Variants in EP400 observed in about 807,000 individuals in gnomAD.
EP400 encodes E1A-binding protein p400.
A neutral mutation model predicts 354.1 loss-of-function variants in EP400; 105 were observed. The observed-to-expected ratio is 0.30, with a 90% CI of 0.25 to 0.35. The LOEUF (loss-of-function observed/expected upper bound fraction) is 0.35, where lower values mean the gene tolerates loss of function less well. Among genes scored for constraint, EP400 ranks in the 10% least tolerant of loss-of-function variants. The probability of loss-of-function intolerance (pLI) is 1.00; values close to 1 mark genes in which losing one functional copy is unlikely to be tolerated. For missense variants in EP400, 3,280 were observed against 4,121.0 expected, an observed-to-expected ratio of 0.80 and a Z score of 5.59; for synonymous variants, 1,646 against 1,716.9, an observed-to-expected ratio of 0.96 and a Z score of 1.02.
At chr12:131,977,622 A>G (rs1414909940) in intron 2 of EP400, among the ~76,000 whole-genome samples, 1 of 152,066 alleles carries the variant, frequency 6.6e-6, no homozygotes, top group East Asian at 1.9e-4. Flanking sequence ...GTCACCTGTA[A>G]TGCTGCCCCA....
At chr12:131,952,159 C>T (rs1018924934) in intron 1 of EP400, among the ~76,000 whole-genome samples, 3 of 149,876 alleles carry the variant, frequency 2.0e-5, no homozygotes, top group East Asian at 2.1e-4. Flanking sequence ...AAAAATTAAT[C>T]GGGCGTGGTG....
chr12:132,001,085 C>T (rs1893395457), intron 12 of EP400, among the ~76,000 whole-genome samples: 1 of 151,954 alleles, frequency 6.6e-6, no homozygotes, highest in Admixed American at 6.5e-5. Flanking sequence ...TGGGTTTCTT[C>T]CCACCGTGTG....
intron 12 of EP400, among the ~76,000 whole-genome samples, chr12:131,997,261 G>T (rs1351672436): frequency 1.2e-4 from 18 of 151,282 alleles, no homozygotes; most frequent in South Asian, 2.1e-4. Flanking sequence ...ATTTTATGTG[G>T]TTTTTTTCTT....
rs193231957 is a variant in EP400, at chr12:132,009,453, G to A, written c.3305-2045G>A. On this transcript the variant is annotated intron_variant, in intron 15 of 52. Coordinates refer to ENST00000389561, the MANE Select transcript of EP400 (RefSeq NM_015409.5). ...GACCCAGCATAGTGACAGGAGCCTG[G>A]CCAGCTGGAGCAAGGTCTCAGGGAG... 6.5e-3 allele frequency among the ~76,000 whole-genome samples: 983 copies of A among 152,268 alleles called. 4 individuals are homozygous for A. The highest frequency in any genetic ancestry group is 0.01 in the Non-Finnish European group (714 of 68,002).
chr12:131,982,581 C>T lies in EP400; in HGVS notation c.1929+103C>T, dbSNP rs549038728. On this transcript the variant is annotated intron_variant, in intron 5 of 52. Coordinates refer to ENST00000389561, the MANE Select transcript of EP400 (RefSeq NM_015409.5). ...CACCACACTGTAATTTGTGTATTTT[C>T]TCTTAGCAGCTTGCTCCCCCAATTT... 151 of 1,412,358 alleles carry T rather than the reference C, an allele frequency of 1.1e-4. No individual in the cohort carries two copies. The South Asian group carries it at 1.8e-3, about 17-fold the overall frequency. 87.5% of individuals were successfully genotyped at this position (1,412,358 alleles called of 1,614,324 possible). A position where few individuals can be genotyped will look rare whatever the true frequency, so the allele number is the denominator to read the frequency against.
At chr12:132,066,179 A>C (rs2136613247) in intron 48 of EP400, 1 of 152,382 alleles carries the variant, frequency 6.6e-6, no homozygotes, top group South Asian at 2.1e-4. Flanking sequence ...ACGGTGAGCC[A>C]CACAGATATG....
chr12:131,964,090 C>T (rs1464650761), intron 2 of EP400, among the ~76,000 whole-genome samples: 2 of 152,216 alleles, frequency 1.3e-5, no homozygotes, highest in Admixed American at 6.5e-5. Flanking sequence ...ATCATCAGGA[C>T]CACAGGCTTC....
rs775714933 is a variant in EP400, at chr12:132,045,908, C to A, written c.7200+8C>A. ...CCACGAGAGGAGGGGAAGGTAAGCA[C>A]GGTCTCGTTTGTCCTTCGAGGAGAG... is the stretch of plus-strand genomic sequence containing the variant. On this transcript the variant is annotated splice_region_variant and intron_variant, in intron 39 of 52. Coordinates refer to ENST00000389561, the MANE Select transcript of EP400 (RefSeq NM_015409.5). 7 of 1,613,954 alleles carry A rather than the reference C, an allele frequency of 4.3e-6. No homozygotes were observed. The highest frequency in any genetic ancestry group is 3.3e-5 in the Admixed American group (2 of 60,002).
intron 2 of EP400, among the ~76,000 whole-genome samples, chr12:131,964,091 C>T (rs141823331): frequency 1.3e-5 from 2 of 152,284 alleles, no homozygotes; most frequent in East Asian, 3.9e-4. Context: ...TCATCAGGAC[C>T]ACAGGCTTCT....
At chr12:131,953,214 G>A (rs1891576267) in intron 1 of EP400, among the ~76,000 whole-genome samples, 1 of 152,174 alleles carries the variant, frequency 6.6e-6, no homozygotes, top group South Asian at 2.1e-4. Context: ...GAGGCAATTA[G>A]GAGAGAAACT....
chr12:132,012,988 G>T, intron 16 of EP400, 21 bp from the exon 17 acceptor site: 2 of 1,586,234 alleles, frequency 1.3e-6, no homozygotes, highest in Non-Finnish European at 1.7e-6. Context: ...AAGGCACTGA[G>T]CTGTCCTCTC....
chr12:132,061,074 G>T (rs773023844), intron 45 of EP400, among the ~76,000 whole-genome samples: 3 of 152,184 alleles, frequency 2.0e-5, no homozygotes, highest in Non-Finnish European at 4.4e-5. Flanking sequence ...ATGAACGCAG[G>T]AGCTCACTGG....
Position 132,017,625 on chromosome 12 carries a change from C to T in EP400, c.4014C>T (p.Val1338=), listed in dbSNP as rs781494785. 63 of 1,610,668 alleles carry T rather than the reference C, an allele frequency of 3.9e-5. No individual in the cohort carries two copies. The highest frequency in any genetic ancestry group is 1.1e-4 in the South Asian group (10 of 90,838). The change falls in exon 20 of 53, where the codon GTC becomes GTT. Residue 1338 remains valine, a synonymous_variant. Transcript: ENST00000389561. The surrounding 1 kb of genome is among the most constrained non-coding windows in gnomAD (Gnocchi z 5.0). ...LQRICNHPGL[V]EPRHPGSSYV... is the part of the protein sequence containing the mutation. ...GCATCTGCAACCACCCTGGGCTCGT[C>T]GAGCCCCGGCACCCAGGCTCTTCCT...
chr12:131,958,126 A>T (rs1891764957), intron 1 of EP400, among the ~76,000 whole-genome samples: 1 of 152,164 alleles, frequency 6.6e-6, no homozygotes, highest in East Asian at 1.9e-4. Context: ...TACTCTACCT[A>T]TGTTAATTTA....
chr12:132,037,540 G>T (rs1166828982), intron 30 of EP400, 142 bp from the exon 31 acceptor site: 1 of 674,464 alleles, frequency 1.5e-6, no homozygotes, highest in Non-Finnish European at 2.6e-6. Flanking sequence ...AGCGGCCTTT[G>T]GTGCCCCACG....
intron 5 of EP400, among the ~76,000 whole-genome samples, chr12:131,982,980 A>AT (rs1164459219): frequency 2.4e-4 from 37 of 151,268 alleles, no homozygotes; most frequent in African/African-American, 8.3e-4. Context: ...AAAAAAAAAA[A>AT]AAAAATAATA....
rs1029819215 is a variant in EP400 at position 132,050,267 on chromosome 12, G to C, written c.7201-56G>C. ...CCACCCAGTGAGCCCTGTGTCCCACGCAGCCGTCTGTCCATGCTGCCTAAT... is the reference window on the plus strand; with the variant it reads ...CCACCCAGTGAGCCCTGTGTCCCACCCAGCCGTCTGTCCATGCTGCCTAAT... On this transcript the variant is annotated intron_variant, in intron 39 of 52. Coordinates refer to ENST00000389561, the MANE Select transcript of EP400 (RefSeq NM_015409.5). This position sits in a 1 kb window ranked among gnomAD's most constrained non-coding sequence, Gnocchi z 4.8. 4 of 1,598,380 alleles carry C rather than the reference G, an allele frequency of 2.5e-6. No individual in the cohort carries two copies. In the Admixed American group the frequency reaches 6.8e-5, roughly 27 times the overall value.
chr12:132,058,738 C>T (rs751528181), intron 45 of EP400, among the ~76,000 whole-genome samples: 1 of 151,480 alleles, frequency 6.6e-6, no homozygotes, highest in Non-Finnish European at 1.5e-5. Context: ...CGTGCTCCTA[C>T]GTATGTAGAA....
At position 132,050,865 on chromosome 12, in the gene EP400, A is replaced by G. The variant is rs1895264210; in HGVS notation, c.7394+210A>G. 4.9e-6 allele frequency: 3 copies of G among 613,844 alleles called. No individual in the cohort carries two copies. Among genetic ancestry groups the G allele is most frequent in the Non-Finnish European group, 8.6e-6 (3 of 347,648 alleles). The allele number at this position is 613,844 out of a possible 1,614,324, so 38.0% of individuals were successfully genotyped here. The stretch of plus-strand genomic sequence containing the variant: ...ACGGCCCCTGCCCTGTCTCTGTGTT[A>G]CAGGGATTGTCCTTGCTGGCCCTCA... On this transcript the variant is annotated intron_variant, in intron 41 of 52. Coordinates refer to ENST00000389561, the MANE Select transcript of EP400 (RefSeq NM_015409.5). This position sits in a 1 kb window ranked among gnomAD's most constrained non-coding sequence, Gnocchi z 4.8.
Sources: allele counts gnomAD v4.1 joint callset (sites outside exome capture counted in the v4.1 genomes callset), GRCh38; gene constraint gnomAD v4.1.1; non-coding constraint Gnocchi (gnomAD v3.1); transcripts MANE v1.5; gene names NCBI Gene and HGNC (gene_info 2026-07-23, HGNC 2026-07-21).